The following KIAA1217 variants were observed in gnomAD, a reference collection of about 807,000 sequenced individuals.
KIAA1217 encodes the protein sickle tail protein homolog.
In KIAA1217, 88 loss-of-function variants were observed where a neutral mutation model predicts 163.9. The ratio of observed to expected loss-of-function variants is 0.54; its 90% CI spans 0.45 to 0.64. KIAA1217 has a LOEUF of 0.64. Ranked by LOEUF, KIAA1217 falls within the 30% of genes least tolerant of loss-of-function variation. The pLI, the probability that KIAA1217 is intolerant of heterozygous loss-of-function variation, is 0.00. For missense variants in KIAA1217, 2,372 were observed against 2,475.0 expected (o/e 0.96, Z 0.88); for synonymous variants, 903 against 923.1 (o/e 0.98, Z 0.39).
intron 1 of KIAA1217, among the ~76,000 whole-genome samples, chr10:23,850,109 C>A (rs1022477163): frequency 4.6e-5 from 7 of 152,110 alleles, no homozygotes; most frequent in Admixed American, 1.3e-4. Context: ...GCCTGAGAGT[C>A]CATCCCATTA....
chr10:24,527,783 T>C (rs2072431953), intron 13 of KIAA1217, among the ~76,000 whole-genome samples, 153 bp from the exon 14 acceptor site: 1 of 152,186 alleles, frequency 6.6e-6, no homozygotes, highest in Non-Finnish European at 1.5e-5. Context: ...GTTGTGCAGA[T>C]TATTTCATCA....
intron 2 of KIAA1217, among the ~76,000 whole-genome samples, chr10:24,077,885 G>T (rs1332260637): frequency 1.3e-5 from 2 of 152,162 alleles, no homozygotes; most frequent in Non-Finnish European, 2.9e-5. Context: ...TAGCCATTCT[G>T]ACTGGTGTGA....
At chr10:23,758,913 C>G (rs1834088747) in intron 1 of KIAA1217, among the ~76,000 whole-genome samples, 1 of 151,204 alleles carries the variant, frequency 6.6e-6, no homozygotes, top group African/African-American at 2.4e-5. Flanking sequence ...TCTTGAACTT[C>G]TGACATCAGG....
chr10:24,143,459 G>T (rs757787496), intron 2 of KIAA1217, among the ~76,000 whole-genome samples: 3 of 151,998 alleles, frequency 2.0e-5, no homozygotes, highest in Admixed American at 6.6e-5. Context: ...TAGAGATGGG[G>T]TTTCACCATG....
At chr10:24,224,973 C>T (rs1358147451) in intron 2 of KIAA1217, among the ~76,000 whole-genome samples, 1 of 151,668 alleles carries the variant, frequency 6.6e-6, no homozygotes, top group African/African-American at 2.4e-5. Context: ...ACTACAGGCG[C>T]CCACCACCAC....
intron 1 of KIAA1217, among the ~76,000 whole-genome samples, chr10:23,928,953 T>A (rs1843140503): frequency 6.6e-6 from 1 of 152,134 alleles, no homozygotes; most frequent in African/African-American, 2.4e-5. Context: ...AAGTCAACTA[T>A]GCAAAGGTCT....
chr10:24,514,105 G>C (rs2069645335), intron 10 of KIAA1217, among the ~76,000 whole-genome samples: 1 of 152,140 alleles, frequency 6.6e-6, no homozygotes, highest in Admixed American at 6.5e-5. Context: ...CTATTGAAAT[G>C]AGCAGAATTT....
intron 1 of KIAA1217, among the ~76,000 whole-genome samples, chr10:23,726,979 CTTTTTTTTTTTT>C (rs1012125050): frequency 1.1e-5 from 1 of 93,420 alleles, no homozygotes; most frequent in Non-Finnish European, 2.0e-5. Context: ...GTATAGGCCT[CTTTTTTTTTTTT>C]TTTTTTTTTT....
At chr10:24,469,699 C>G (rs1379283523) in intron 5 of KIAA1217, among the ~76,000 whole-genome samples, 3 of 152,074 alleles carry the variant, frequency 2.0e-5, no homozygotes, top group African/African-American at 7.2e-5. Flanking sequence ...GCAACCTCCA[C>G]CTCCCGGGTT....
At chr10:24,219,026 AC>A (rs2069223187) in intron 1 of KIAA1217, among the ~76,000 whole-genome samples, 1 of 152,058 alleles carries the variant, frequency 6.6e-6, no homozygotes, top group Admixed American at 6.5e-5. Context: ...ACTGGAGTTA[AC>A]TCTTTCTATA....
intron 1 of KIAA1217, among the ~76,000 whole-genome samples, chr10:23,896,818 T>G (rs1274714946): frequency 1.3e-5 from 2 of 152,080 alleles, no homozygotes. Flanking sequence ...GCTGGCTTCT[T>G]TTTTACAAAG....
Position 24,473,157 on chromosome 10 carries a change from G to T in KIAA1217, c.847-71G>T, listed in dbSNP as rs12251230. On this transcript the variant is annotated intron_variant, in intron 5 of 20. Transcript: ENST00000376454. ...TACATCTTGCAGGGGAAGTCACACG[G>T]TTACACACTGAGACTTCTCTTGAAA... 2.5e-3 allele frequency: 2,765 copies of T among 1,089,574 alleles called. 59 individuals carry two copies. The African/African-American group carries it at 0.039, about 15-fold the overall frequency. The allele number at this position is 1,089,574 out of a possible 1,614,324, so 67.5% of individuals were successfully genotyped here. A position where few individuals can be genotyped will look rare whatever the true frequency, so the allele number is the denominator to read the frequency against.
intron 1 of KIAA1217, among the ~76,000 whole-genome samples, chr10:23,970,836 G>A (rs575535198): frequency 7.2e-5 from 11 of 152,298 alleles, no homozygotes; most frequent in South Asian, 2.1e-4. Context: ...CGTCAGCAGC[G>A]GTAAGTCTGT....
rs146798085 is a variant in KIAA1217 at position 23,696,837 on chromosome 10, A to G, written c.-321+1603A>G. 6.1e-4 allele frequency among the ~76,000 whole-genome samples: 93 copies of G among 152,350 alleles called. 1 individual carries two copies. The highest frequency in any genetic ancestry group is 2.0e-3 in the African/African-American group (82 of 41,582). ...TTTGATTCCCAGAGACCACCACTGC[A>G]CCTGCACATAGTAGGTCATCAGCAA... On this transcript the variant is annotated intron_variant, in intron 1 of 18. Coordinates refer to the KIAA1217 transcript ENST00000376462.
intron 4 of KIAA1217, among the ~76,000 whole-genome samples, chr10:24,437,114 C>G (rs2060107265): frequency 6.6e-6 from 1 of 152,170 alleles, no homozygotes; most frequent in Admixed American, 6.5e-5. Context: ...CACAGTTAGT[C>G]TTTTTCATGG....
chr10:24,524,572 C>A lies in KIAA1217; in HGVS notation c.2706C>A (p.Ala902=). ...VVIQPSQHSV[A]LLNPAQNLPH... is the part of the protein sequence containing the mutation. ...TCCAGCCCTCCCAGCACTCCGTGGCCCTGCTGAACCCTGCTCAGAACTTGC... is the reference window on the plus strand; with the variant it reads ...TCCAGCCCTCCCAGCACTCCGTGGCACTGCTGAACCCTGCTCAGAACTTGC... Residue 902 remains alanine (A), a synonymous_variant, in exon 13 of 21, where the codon GCC becomes GCA. Transcript: ENST00000376454. 7 of 1,614,006 alleles carry A rather than the reference C, an allele frequency of 4.3e-6. No homozygotes were observed. The highest frequency in any genetic ancestry group is 5.1e-6 in the Non-Finnish European group (6 of 1,180,020).
intron 14 of KIAA1217, 131 bp from the exon 15 acceptor site, chr10:24,531,699 C>CTTAA (rs1446623432): frequency 1.2e-6 from 1 of 855,168 alleles, no homozygotes; most frequent in East Asian, 2.9e-5. Context: ...GGTCTATACA[C>CTTAA]TTAATCCTTG....
chr10:23,747,227 G>A (rs1012366998), intron 1 of KIAA1217, among the ~76,000 whole-genome samples: 3 of 152,172 alleles, frequency 2.0e-5, no homozygotes, highest in African/African-American at 7.2e-5. Flanking sequence ...CTGCTGGGGC[G>A]ATGACAGTAG....
At chr10:23,927,840 G>A (rs962444502) in intron 1 of KIAA1217, among the ~76,000 whole-genome samples, 10 of 152,216 alleles carry the variant, frequency 6.6e-5, no homozygotes, top group Non-Finnish European at 1.2e-4. Flanking sequence ...AAACTAGTGC[G>A]CGATAAACCA....
Sources: allele counts gnomAD v4.1 joint callset (sites outside exome capture counted in the v4.1 genomes callset), GRCh38; gene constraint gnomAD v4.1.1; transcripts MANE v1.5; gene names NCBI Gene and HGNC (gene_info 2026-07-23, HGNC 2026-07-21).